The following ITGA9 variants were observed in gnomAD, a reference collection of about 807,000 sequenced individuals.
ITGA9 encodes integrin alpha-9.
ITGA9 carries 56 observed loss-of-function variants against 127.8 expected under a neutral mutation model. The ratio of observed to expected loss-of-function variants is 0.44; its 90% CI spans 0.35 to 0.55. The LOEUF (loss-of-function observed/expected upper bound fraction) is 0.55. Ranked by LOEUF, ITGA9 falls within the 20% of genes least tolerant of loss-of-function variation. The pLI, the probability that ITGA9 is intolerant of heterozygous loss-of-function variation, is 0.00. For synonymous variants in ITGA9, 508 were observed against 514.5 expected (o/e 0.99, Z 0.17); for missense variants, 1,196 against 1,347.1 (o/e 0.89, Z 1.76).
intron 15 of ITGA9, among the ~76,000 whole-genome samples, chr3:37,550,546 A>G (rs1699368986): frequency 6.6e-6 from 1 of 152,210 alleles, no homozygotes; most frequent in Non-Finnish European, 1.5e-5. Flanking sequence ...CAAGCTACCA[A>G]TGAGACATCA....
intron 23 of ITGA9, among the ~76,000 whole-genome samples, chr3:37,772,108 TA>T (rs1696851890): frequency 6.6e-6 from 1 of 152,040 alleles, no homozygotes; most frequent in Admixed American, 6.6e-5. Flanking sequence ...CCTCCATCTG[TA>T]AAATGGGGAC....
At chr3:37,661,746 A>C (rs1700539125) in intron 17 of ITGA9, among the ~76,000 whole-genome samples, 1 of 152,236 alleles carries the variant, frequency 6.6e-6, no homozygotes, top group African/African-American at 2.4e-5. Flanking sequence ...AGTGAGCAGT[A>C]TGTGAGCCCT....
intron 24 of ITGA9, among the ~76,000 whole-genome samples, chr3:37,778,920 G>GGTGATATTT (rs1696941681): frequency 7.8e-6 from 1 of 127,716 alleles, no homozygotes; most frequent in African/African-American, 2.9e-5. Flanking sequence ...GGGTGATATT[G>GGTGATATTT]TTGAAAGCCC....
chr3:37,708,837 T>TC, intron 18 of ITGA9, among the ~76,000 whole-genome samples: 1 of 152,352 alleles, frequency 6.6e-6, no homozygotes, highest in South Asian at 2.1e-4. Flanking sequence ...TGTGCTAGTA[T>TC]CCCTCTCAGG....
chr3:37,639,887 C>T (rs1401505936), intron 16 of ITGA9, among the ~76,000 whole-genome samples: 1 of 152,134 alleles, frequency 6.6e-6, no homozygotes, highest in Non-Finnish European at 1.5e-5. Flanking sequence ...GGGAAGGGAG[C>T]AATGCTGTCC....
rs543861808 is a variant in ITGA9 at position 37,651,284 on chromosome 3, TGA to T, written c.1840-2428_1840-2427del. Among the ~76,000 whole-genome samples the T allele has an allele frequency of 6.6e-5, 10 of 152,206 alleles. No homozygotes were observed. The South Asian group carries it at 2.1e-3, about 32-fold the overall frequency. On this transcript the variant is annotated intron_variant, in intron 16 of 27. Coordinates refer to ENST00000264741, the MANE Select transcript of ITGA9 (RefSeq NM_002207.3). ...CAAGGAAAAGTTAGGACAAGGAAAATGAGTCTTTACAAAGCAACCAATTCCTC... is the reference window on the plus strand; with the variant it reads ...CAAGGAAAAGTTAGGACAAGGAAAATGTCTTTACAAAGCAACCAATTCCTC...
intron 15 of ITGA9, among the ~76,000 whole-genome samples, chr3:37,588,102 A>G (rs556020853): frequency 6.6e-6 from 1 of 152,214 alleles, no homozygotes; most frequent in Non-Finnish European, 1.5e-5. Context: ...TCATCCTGTC[A>G]TTTGATGGTA....
chr3:37,471,617 G>T (rs552282610), intron 2 of ITGA9, among the ~76,000 whole-genome samples: 33 of 152,344 alleles, frequency 2.2e-4, no homozygotes, highest in African/African-American at 7.9e-4. Context: ...AGCAAGGCAG[G>T]CTGGGGCCAG....
intron 14 of ITGA9, among the ~76,000 whole-genome samples, chr3:37,535,558 T>C (rs267553): frequency 0.57 from 86,897 of 152,072 alleles, 25,332 homozygotes; most frequent in East Asian, 0.81. Context: ...TGGAAGAGGC[T>C]GGCAGTTGGA....
chr3:37,761,164 C>G (rs896593621), intron 23 of ITGA9, among the ~76,000 whole-genome samples: 1 of 152,068 alleles, frequency 6.6e-6, no homozygotes, highest in African/African-American at 2.4e-5. Context: ...GCAATGCAAA[C>G]TTAAAATGAG....
chr3:37,792,156 A>G (rs1697119068), intron 26 of ITGA9, among the ~76,000 whole-genome samples: 1 of 152,198 alleles, frequency 6.6e-6, no homozygotes, highest in Non-Finnish European at 1.5e-5. Flanking sequence ...TCAAGAATTG[A>G]GAAAACTCTC....
At chr3:37,588,097 C>G (rs9311161) in intron 15 of ITGA9, among the ~76,000 whole-genome samples, 96,278 of 152,170 alleles carry the variant, frequency 0.63, 30,813 homozygotes, top group East Asian at 0.74. Context: ...TGGATTCATC[C>G]TGTCATTTGA....
chr3:37,512,120 CTTTCTTTTCTTTTCTTTTCT>C (rs1176263183), intron 8 of ITGA9, among the ~76,000 whole-genome samples: 35 of 39,460 alleles, frequency 8.9e-4, no homozygotes, highest in Non-Finnish European at 1.4e-3. Flanking sequence ...TTCCTTCCTT[CTTTCTTTTCTTTTCTTTTCT>C]TTTCTTTTCT....
At chr3:37,753,895 T>C (rs1484593757) in intron 23 of ITGA9, 2 of 152,190 alleles carry the variant, frequency 1.3e-5, no homozygotes, top group African/African-American at 2.4e-5. Context: ...CTTACTTTTT[T>C]CCTTCTATTG....
At chr3:37,569,147 C>T (rs1699577121) in intron 15 of ITGA9, among the ~76,000 whole-genome samples, 1 of 152,202 alleles carries the variant, frequency 6.6e-6, no homozygotes, top group African/African-American at 2.4e-5. Flanking sequence ...CTGGGGAGGC[C>T]TCACAATCAT....
chr3:37,787,419 T>C (rs1697054835), intron 26 of ITGA9, among the ~76,000 whole-genome samples: 1 of 152,190 alleles, frequency 6.6e-6, no homozygotes, highest in Non-Finnish European at 1.5e-5. Flanking sequence ...CTTCCATTAA[T>C]TACTGTTCCA....
chr3:37,585,173 ACC>A (rs34763390), intron 15 of ITGA9, among the ~76,000 whole-genome samples: 110 of 151,546 alleles, frequency 7.3e-4, no homozygotes, highest in African/African-American at 2.6e-3. Flanking sequence ...TTTTAAACTG[ACC>A]CCCCTTACTG....
Position 37,594,986 on chromosome 3 carries a change from G to T in ITGA9, c.1690-34201G>T, listed in dbSNP as rs76923453. On this transcript the variant is annotated intron_variant, in intron 15 of 27. Coordinates refer to ENST00000264741, the MANE Select transcript of ITGA9 (RefSeq NM_002207.3). ...TTTAAAAATTAAGTCTTGTTGAAGA[G>T]TGAGTAGAAACCAGAGTGGTGATAA... Among the ~76,000 whole-genome samples the T allele has an allele frequency of 7.2e-3, 1,090 of 152,324 alleles. 8 individuals carry two copies. Among genetic ancestry groups the T allele is most frequent in the Non-Finnish European group, 0.01 (713 of 68,028 alleles).
chr3:37,803,371 A>G (rs1187608978), intron 26 of ITGA9, among the ~76,000 whole-genome samples: 1 of 152,194 alleles, frequency 6.6e-6, no homozygotes, highest in Non-Finnish European at 1.5e-5. Flanking sequence ...GCAACCAGAA[A>G]ATCGTTCAGC....
Sources: gnomAD v4.1 joint callset for allele counts (sites outside exome capture counted in the v4.1 genomes callset) on GRCh38, gnomAD v4.1.1 for gene constraint, MANE v1.5 for transcripts, NCBI Gene and HGNC (gene_info 2026-07-23, HGNC 2026-07-21) for gene names.